Variants in TNNT3 observed in about 807,000 individuals in gnomAD.
The protein encoded by TNNT3 is troponin T, fast skeletal muscle.
Under a neutral mutation model 54.2 loss-of-function variants are expected in TNNT3, and 36 were observed. The observed-to-expected ratio is 0.66, with a 90% CI of 0.51 to 0.88. TNNT3 has a LOEUF of 0.88. Among genes scored for constraint, TNNT3 ranks in the 40% least tolerant of loss-of-function variants. The pLI is 0.00. For synonymous variants in TNNT3, 120 were observed against 109.7 expected (o/e 1.09, Z -0.59); for missense variants, 291 against 331.6 (o/e 0.88, Z 0.95).
In TNNT3 at chr11:1,929,022, G is replaced by GGGCCCCTTGCCCGCCACA. The variant is rs759957497; in HGVS notation, c.83-85_83-68dup. 4.9e-4 allele frequency: 676 copies of GGGCCCCTTGCCCGCCACA among 1,376,130 alleles called. 1 individual carries two copies. The highest frequency in any genetic ancestry group is 5.8e-4 in the Non-Finnish European group (567 of 971,316). The allele number at this position is 1,376,130 out of a possible 1,614,324, so 85.2% of individuals were successfully genotyped here. ...AAGAGAGTGTCCGAGTGAGAGGGGT[G>GGGCCCCTTGCCCGCCACA]GGCCCCTTGCCCGCCACAGGCCCCT... On this transcript the variant is annotated intron_variant, in intron 6 of 15. Coordinates refer to ENST00000278317, the MANE Select transcript of TNNT3 (RefSeq NM_006757.4).
At chr11:1,929,225 C>A in intron 7 of TNNT3, 82 bp downstream of exon 7, 1 of 1,496,254 alleles carries the variant, frequency 6.7e-7, no homozygotes, top group South Asian at 1.1e-5. Flanking sequence ...TGGGGTCTCT[C>A]GCTGCCCTGC....
chr11:1,924,738 C>T (rs367643338), intron 4 of TNNT3, among the ~76,000 whole-genome samples: 4 of 152,308 alleles, frequency 2.6e-5, no homozygotes, highest in South Asian at 4.1e-4. Flanking sequence ...GTTCTGTCCC[C>T]GTTCTCACTT....
intron 1 of TNNT3, 133 bp from the exon 2 acceptor site, chr11:1,922,724 A>C: frequency 1.2e-6 from 1 of 833,314 alleles, no homozygotes; most frequent in Non-Finnish European, 2.0e-6. Flanking sequence ...CCAAGGCCAG[A>C]GCTGGCCCCC....
chr11:1,928,997 AAG>A lies in TNNT3; in HGVS notation c.83-118_83-117del, dbSNP rs199967268. 13,361 of 1,134,126 alleles carry A rather than the reference AAG, an allele frequency of 0.012. 863 individuals carry two copies. In the Admixed American group the frequency reaches 0.15, roughly 12 times the overall value. 70.3% of individuals were successfully genotyped at this position (1,134,126 alleles called of 1,614,324 possible). A position where few individuals can be genotyped will look rare whatever the true frequency, so the allele number is the denominator to read the frequency against. On this transcript the variant is annotated intron_variant, in intron 6 of 15. Transcript: ENST00000278317. ...AGGGCCCCGCAGGCACACCCTGGAG[AAG>A]AGAGTGTCCGAGTGAGAGGGGTGGG...
Position 1,938,605 on chromosome 11 carries a change from A to T in TNNT3, c.*113A>T. The T allele has an allele frequency of 8.5e-7, 1 of 1,178,766 alleles. No individual in the cohort carries two copies. Among genetic ancestry groups the T allele is most frequent in the Non-Finnish European group, 1.2e-6 (1 of 804,570 alleles). The allele number at this position is 1,178,766 out of a possible 1,614,324, so 73.0% of individuals were successfully genotyped here. On this transcript the variant is annotated 3_prime_UTR_variant, in exon 16 of 16. Transcript: ENST00000278317. ...ACAATCCTGTCAGGGGCTCCCTGAC[A>T]GTCCTGGGGGTGGAGAGGCCATCCC...
chr11:1,932,326 G>T, intron 8 of TNNT3, 143 bp from the exon 9 acceptor site: 1 of 800,904 alleles, frequency 1.2e-6, no homozygotes, highest in Non-Finnish European at 2.2e-6. Context: ...TGGGGCAAAC[G>T]TGTCACTAGG....
In TNNT3 at chr11:1,923,577, T is replaced by G. The variant is rs780802963; in HGVS notation, c.49+5T>G. On this transcript the variant is annotated splice_donor_5th_base_variant and intron_variant, in intron 4 of 15. Coordinates refer to ENST00000278317, the MANE Select transcript of TNNT3 (RefSeq NM_006757.4). ...CAGAGCAGTACGAAGAAGAAGGTAA[T>G]TCTGGCAACCACCGGAAGCCCCCCC... 1 of 1,613,608 alleles carries G rather than the reference T, an allele frequency of 6.2e-7. No individual in the cohort carries two copies. The highest frequency in any genetic ancestry group is 8.5e-7 in the Non-Finnish European group (1 of 1,179,836).
chr11:1,928,306 A>G (rs953659490), intron 6 of TNNT3, among the ~76,000 whole-genome samples: 8 of 152,208 alleles, frequency 5.3e-5, no homozygotes, highest in Non-Finnish European at 1.0e-4. Flanking sequence ...CAGGCCAGCC[A>G]GGTCCACCCC....
At position 1,938,702 on chromosome 11, in the gene TNNT3, C is replaced by A. The variant is rs894974426; in HGVS notation, c.*210C>A. ...CCTGTGAATAAAGCTGCAGAACCCC[C>A]TTCACAGTCTGTACTTGCTTCTGCA... is the stretch of plus-strand genomic sequence containing the variant. On this transcript the variant is annotated 3_prime_UTR_variant, in exon 16 of 16. Coordinates refer to ENST00000278317, the MANE Select transcript of TNNT3 (RefSeq NM_006757.4). 4 of 672,576 alleles carry A rather than the reference C, an allele frequency of 5.9e-6. No homozygotes were observed. In the Admixed American group the frequency reaches 8.2e-5, roughly 14 times the overall value. 41.7% of individuals were successfully genotyped at this position (672,576 alleles called of 1,614,324 possible).
Position 1,926,348 on chromosome 11 carries a change from C to A in TNNT3, c.68-347C>A. The A allele has an allele frequency of 1.6e-6, 2 of 1,241,558 alleles. No individual in the cohort carries two copies. The highest frequency in any genetic ancestry group is 1.2e-6 in the Non-Finnish European group (1 of 841,342). The allele number at this position is 1,241,558 out of a possible 1,614,324, so 76.9% of individuals were successfully genotyped here. On this transcript the variant is annotated intron_variant, in intron 5 of 15. Transcript: ENST00000278317. ...CTCTGACCGTGTCTTGCTCGCTCCC[C>A]GCACGCACCCCACCCTCGGCCTCGA...
At chr11:1,935,736 G>A (rs1225042474) in intron 14 of TNNT3, among the ~76,000 whole-genome samples, 1 of 152,152 alleles carries the variant, frequency 6.6e-6, no homozygotes. Context: ...CACCGCCAGA[G>A]GCCCCAGGGG....
intron 5 of TNNT3, chr11:1,926,433 T>G (rs1471976551): frequency 6.2e-7 from 1 of 1,613,102 alleles, no homozygotes; most frequent in Non-Finnish European, 8.5e-7. Context: ...GACCCGCGGT[T>G]TTGCCTCTTG....
intron 14 of TNNT3, chr11:1,936,278 GC>G: frequency 1.2e-6 from 2 of 1,613,164 alleles, no homozygotes; most frequent in Non-Finnish European, 1.7e-6. Context: ...TCCGCCCTGG[GC>G]CAGGCCCGTG....
At chr11:1,924,906 C>A (rs984659500) in intron 4 of TNNT3, 193 bp from the exon 5 acceptor site, 2 of 688,912 alleles carry the variant, frequency 2.9e-6, no homozygotes, top group African/African-American at 3.5e-5. Flanking sequence ...TGGTGGGAGT[C>A]CGTGCTCCCC....
rs1031852116 is a variant in TNNT3 at position 1,922,803 on chromosome 11, C to T, written c.-18-54C>T. 1.8e-5 allele frequency: 28 copies of T among 1,574,896 alleles called. 1 individual carries two copies. Among genetic ancestry groups the T allele is most frequent in the East Asian group, 2.2e-5 (1 of 44,710 alleles). Reference sequence around the variant, plus strand: ...TCCCCCATCCTACACCCAGGCAGCTCGTAACTCTCTTTCCATCCTCTCTCT... The same window carrying T: ...TCCCCCATCCTACACCCAGGCAGCTTGTAACTCTCTTTCCATCCTCTCTCT... On this transcript the variant is annotated intron_variant, in intron 1 of 15. Coordinates refer to ENST00000278317, the MANE Select transcript of TNNT3 (RefSeq NM_006757.4).
At chr11:1,935,258 T>C (rs1459388739) in intron 14 of TNNT3, 4 of 391,990 alleles carry the variant, frequency 1.0e-5, no homozygotes, top group African/African-American at 2.1e-5. Context: ...TTTAAGCTTA[T>C]AGAAAGTCCC....
intron 6 of TNNT3, among the ~76,000 whole-genome samples, chr11:1,928,380 C>T (rs920705974): frequency 9.9e-5 from 15 of 152,172 alleles, no homozygotes; most frequent in African/African-American, 3.6e-4. Flanking sequence ...CAGGGCAGGC[C>T]AGGCAGACCC....
intron 9 of TNNT3, among the ~76,000 whole-genome samples, chr11:1,933,256 TC>T (rs1345143569): frequency 6.7e-6 from 1 of 149,988 alleles, no homozygotes; most frequent in Non-Finnish European, 1.5e-5. Flanking sequence ...CATCCATCCA[TC>T]CATTTCTCCA....
At chr11:1,929,931 G>A in intron 8 of TNNT3, 103 bp downstream of exon 8, 1 of 1,453,360 alleles carries the variant, frequency 6.9e-7, no homozygotes, top group South Asian at 1.2e-5. Context: ...GTGTGTTCTG[G>A]GGTGGCGGTG....
Sources: gnomAD v4.1 joint callset for allele counts (sites outside exome capture counted in the v4.1 genomes callset) on GRCh38, gnomAD v4.1.1 for gene constraint, MANE v1.5 for transcripts, NCBI Gene and HGNC (gene_info 2026-07-23, HGNC 2026-07-21) for gene names.